Variants in PTGES2 observed in about 807,000 individuals in gnomAD.
PTGES2 encodes GATE-binding factor 1.
In PTGES2, 35 loss-of-function variants were observed where a neutral mutation model predicts 44.5. That is an observed-to-expected ratio of 0.79 (90% CI 0.60 to 1.04). The LOEUF (loss-of-function observed/expected upper bound fraction) is 1.04, where lower values mean the gene tolerates loss of function less well. PTGES2 is among the 50% of genes least tolerant of loss of function. PTGES2 has a pLI of 0.00. For synonymous variants in PTGES2, 221 were observed against 227.5 expected (o/e 0.97, Z 0.26); for missense variants, 517 against 521.4 (o/e 0.99, Z 0.08).
chr9:128,126,180 C>T (rs979801019), intron 1 of PTGES2, among the ~76,000 whole-genome samples: 1 of 152,198 alleles, frequency 6.6e-6, no homozygotes. Flanking sequence ...GAAGCTGGAC[C>T]GTGGAGGCAG....
rs751725914 is a variant in PTGES2, at chr9:128,125,360, C to T, written c.361G>A (p.Asp121Asn). ...ACCTGGTAGGGCAGGGCATGGAAGT[C>T]GAGGAAGGCTCGGACCTTGCTGCAG... Reference protein sequence around the residue: ...PFCSKVRAFLDFHALPYQVVE... With the variant: ...PFCSKVRAFLNFHALPYQVVE... The change falls in exon 2 of 7, where the codon GAC becomes AAC. Residue 121 changes from aspartate (D) to asparagine (N), a missense_variant. Coordinates refer to ENST00000338961, the MANE Select transcript of PTGES2 (RefSeq NM_025072.7). 2.5e-6 allele frequency: 4 copies of T among 1,614,098 alleles called. No individual in the cohort carries two copies. The highest frequency in any genetic ancestry group is 2.2e-5 in the East Asian group (1 of 44,886).
At position 128,123,238 on chromosome 9, in the gene PTGES2, G is replaced by T; in HGVS notation, c.687-104C>A. 1.9e-6 allele frequency: 2 copies of T among 1,038,832 alleles called. No individual in the cohort carries two copies. The highest frequency in any genetic ancestry group is 2.7e-6 in the Non-Finnish European group (2 of 738,240). 64.4% of individuals were successfully genotyped at this position (1,038,832 alleles called of 1,614,324 possible). ...CTGCACGGGCGGGAAGCTGAAGCCT[G>T]AGCAGGAAGGTCTTTTTTTTTTTTT... is the stretch of plus-strand genomic sequence containing the variant. On this transcript the variant is annotated intron_variant, in intron 4 of 6. Coordinates refer to ENST00000338961, the MANE Select transcript of PTGES2 (RefSeq NM_025072.7). This position sits in a 1 kb window ranked among gnomAD's most constrained non-coding sequence, Gnocchi z 4.4.
In PTGES2 at chr9:128,123,841, C is replaced by A; in HGVS notation, c.547G>T (p.Glu183Ter). The A allele has an allele frequency of 6.2e-7, 1 of 1,613,798 alleles. No individual in the cohort carries two copies. The part of the protein sequence containing the change: ...KTYLVSGQPL[E>*]EIITYYPAMK... ...GCTGGGTAGTAGGTGATGATCTCTT[C>A]CAGGGGCTGCCTTCGGAGAGAGCCA... Residue 183 changes from glutamate (E) to a stop codon, truncating the protein, a stop_gained, in exon 4 of 7, where the codon GAA becomes TAA. Coordinates refer to ENST00000338961, the MANE Select transcript of PTGES2 (RefSeq NM_025072.7). LOFTEE classifies it high-confidence loss of function. The surrounding 1 kb of genome is among the most constrained non-coding windows in gnomAD (Gnocchi z 4.4).
At chr9:128,128,356 G>T (rs1280606436), upstream of PTGES2, 1 of 456,270 alleles carries the variant, frequency 2.2e-6, no homozygotes, top group African/African-American at 2.0e-5. Context: ...GTGCCAGGCT[G>T]CTCGGTCCTT....
Position 128,123,638 on chromosome 9 carries a change from G to T in PTGES2, c.686+64C>A. ...CTGCTCACGCCATCTTGCTCAGCTT[G>T]GTCCTACTCTACAGAAGACCCCTGC... On this transcript the variant is annotated intron_variant, in intron 4 of 6. Transcript: ENST00000338961. This position sits in a 1 kb window ranked among gnomAD's most constrained non-coding sequence, Gnocchi z 4.4. 6.6e-7 allele frequency: 1 copy of T among 1,522,246 alleles called. No individual in the cohort carries two copies. The highest frequency in any genetic ancestry group is 9.0e-7 in the Non-Finnish European group (1 of 1,112,858). 94.3% of individuals were successfully genotyped at this position (1,522,246 alleles called of 1,614,324 possible). A position where few individuals can be genotyped will look rare whatever the true frequency, so the allele number is the denominator to read the frequency against.
In PTGES2 at chr9:128,122,374, A is replaced by T; in HGVS notation, c.993T>A (p.Asn331Lys). 1 of 1,614,054 alleles carries T rather than the reference A, an allele frequency of 6.2e-7. No homozygotes were observed. Among genetic ancestry groups the T allele is most frequent in the Non-Finnish European group, 8.5e-7 (1 of 1,179,894 alleles). ...CCACCACACTCACCAAATCAGCGAG[A>T]TTCGGCTTCTGGCCCCCCATGAAGG... ...DRPFMGGQKP[N>K]LADLAVYGVL... The change falls in exon 6 of 7, where the codon AAT becomes AAA. Residue 331 changes from asparagine to lysine, a missense_variant. Coordinates refer to ENST00000338961, the MANE Select transcript of PTGES2 (RefSeq NM_025072.7).
At position 128,122,350 on chromosome 9, in the gene PTGES2, C is replaced by T. The variant is rs772225104; in HGVS notation, c.1005+12G>A. On this transcript the variant is annotated intron_variant, in intron 6 of 6. Coordinates refer to ENST00000338961, the MANE Select transcript of PTGES2 (RefSeq NM_025072.7). ...CCTCGGTCCAGGCACCACCTGCCAC[C>T]ACCACACTCACCAAATCAGCGAGAT... 6.2e-7 allele frequency: 1 copy of T among 1,607,522 alleles called. No homozygotes were observed. Among genetic ancestry groups the T allele is most frequent in the Non-Finnish European group, 8.5e-7 (1 of 1,173,942 alleles).
chr9:128,128,164 G>C (rs191486917), upstream of PTGES2: 4,088 of 256,718 alleles, frequency 0.016, 141 homozygotes, highest in African/African-American at 0.15. Flanking sequence ...GACCCGACCC[G>C]GCACCAGGTG....
Position 128,127,592 on chromosome 9 carries a change from C to T in PTGES2, c.126G>A (p.Ala42=). 9 of 1,272,572 alleles carry T rather than the reference C, an allele frequency of 7.1e-6. No homozygotes were observed. Among genetic ancestry groups the T allele is most frequent in the Middle Eastern group, 3.0e-4 (1 of 3,352 alleles). 78.8% of individuals were successfully genotyped at this position (1,272,572 alleles called of 1,614,324 possible). A position where few individuals can be genotyped will look rare whatever the true frequency, so the allele number is the denominator to read the frequency against. The part of the protein sequence containing the change: ...TQSRAGFAGA[A]GGPSPVAAAR... The stretch of plus-strand genomic sequence containing the variant: ...CTGCAGCCACGGGGCTCGGGCCGCC[C>T]GCCGCCCCCGCGAAGCCAGCCCGGC... The change falls in exon 1 of 7, where the codon GCG becomes GCA. Residue 42 remains alanine (A), a synonymous_variant. Transcript: ENST00000338961.
rs1404471235 is a variant in PTGES2, at chr9:128,123,211, C to T, written c.687-77G>A. On this transcript the variant is annotated intron_variant, in intron 4 of 6. Coordinates refer to ENST00000338961, the MANE Select transcript of PTGES2 (RefSeq NM_025072.7). This position sits in a 1 kb window ranked among gnomAD's most constrained non-coding sequence, Gnocchi z 4.4. ...CAGGCTGCATTCTCTAGAACATACC[C>T]ACTGCACGGGCGGGAAGCTGAAGCC... 7.1e-7 allele frequency: 1 copy of T among 1,400,668 alleles called. No individual in the cohort carries two copies. Among genetic ancestry groups the T allele is most frequent in the Non-Finnish European group, 9.8e-7 (1 of 1,016,040 alleles). 86.8% of individuals were successfully genotyped at this position (1,400,668 alleles called of 1,614,324 possible). A position where few individuals can be genotyped will look rare whatever the true frequency, so the allele number is the denominator to read the frequency against.
chr9:128,128,402 C>T (rs1014149282), upstream of PTGES2: 2 of 455,022 alleles, frequency 4.4e-6, no homozygotes, highest in Non-Finnish European at 8.8e-6. Flanking sequence ...AAGCCCGGAG[C>T]CTCCACCGCA....
chr9:128,126,045 G>C (rs1216471061), intron 1 of PTGES2, among the ~76,000 whole-genome samples: 2 of 152,224 alleles, frequency 1.3e-5, no homozygotes, highest in Non-Finnish European at 2.9e-5. Context: ...AATATCCGAG[G>C]GGGAGGGTGG....
At chr9:128,127,327 C>T in intron 1 of PTGES2, 112 bp downstream of exon 1, 2 of 979,830 alleles carry the variant, frequency 2.0e-6, no homozygotes, top group Non-Finnish European at 2.6e-6. Flanking sequence ...CAGACCAAGT[C>T]ACTCGCCCAA....
At chr9:128,122,502 C>T (rs1167681109) in intron 5 of PTGES2, 23 bp from the exon 6 acceptor site, 1 of 1,599,780 alleles carries the variant, frequency 6.3e-7, no homozygotes, top group South Asian at 1.1e-5. Flanking sequence ...GGGAAAAGCC[C>T]CTCAGGGGAG....
Position 128,127,283 on chromosome 9 carries a change from T to C in PTGES2, c.279+156A>G, listed in dbSNP as rs1007102055. Among the ~76,000 whole-genome samples, 25 of 148,342 alleles carry C rather than the reference T, an allele frequency of 1.7e-4. 1 individual carries two copies. Among genetic ancestry groups the C allele is most frequent in the Admixed American group, 4.1e-4 (6 of 14,802 alleles). On this transcript the variant is annotated intron_variant, in intron 1 of 6. Transcript: ENST00000338961. ...TAGTAGGCATCAGGAGTGCCCCTAT[T>C]TTACACAAAAGAATACAGAGGGTTC...
In PTGES2 at chr9:128,122,402, C is replaced by T. The variant is rs779011818; in HGVS notation, c.965G>A (p.Arg322Gln). 7.4e-6 allele frequency: 12 copies of T among 1,614,068 alleles called. No individual in the cohort carries two copies. Among genetic ancestry groups the T allele is most frequent in the Middle Eastern group, 1.6e-4 (1 of 6,084 alleles). Reference sequence around the variant, plus strand: ...CGGCTTCTGGCCCCCCATGAAGGGCCGGTCCTTGCCCACAGCAGCCACCCA... The same window carrying T: ...CGGCTTCTGGCCCCCCATGAAGGGCTGGTCCTTGCCCACAGCAGCCACCCA... Reference protein sequence around the residue: ...DKWVAAVGKDRPFMGGQKPNL... With the variant: ...DKWVAAVGKDQPFMGGQKPNL... Residue 322 changes from arginine (R) to glutamine (Q), a missense_variant, in exon 6 of 7, where the codon CGG (arginine) becomes CAG (glutamine). By Grantham distance (43) the Arg-to-Gln change is conservative. Transcript: ENST00000338961.
chr9:128,128,425 C>T (rs906172833), upstream of PTGES2: 15 of 449,328 alleles, frequency 3.3e-5, no homozygotes, highest in Non-Finnish European at 6.7e-5. Flanking sequence ...GGCGTCTCCG[C>T]GGACAGCCCC....
Position 128,127,502 on chromosome 9 carries a change from C to A in PTGES2, c.216G>T (p.Leu72=). 7.3e-7 allele frequency: 1 copy of A among 1,378,412 alleles called. No individual in the cohort carries two copies. Among genetic ancestry groups the A allele is most frequent in the South Asian group, 1.7e-5 (1 of 58,214 alleles). 85.4% of individuals were successfully genotyped at this position (1,378,412 alleles called of 1,614,324 possible). The change falls in exon 1 of 7, where the codon CTG becomes CTT. Residue 72 remains leucine (L), a synonymous_variant. Transcript: ENST00000338961. The part of the protein sequence containing the change: ...AALALGGALG[L]YHTARWHLRA... Reference sequence around the variant, plus strand: ...GCAGGTGCCACCGCGCCGTGTGGTACAGCCCCAGGGCTCCCCCCAGGGCCA... The same window carrying A: ...GCAGGTGCCACCGCGCCGTGTGGTAAAGCCCCAGGGCTCCCCCCAGGGCCA...
upstream of PTGES2, chr9:128,128,042 C>G (rs747078879): frequency 1.0e-5 from 4 of 384,674 alleles, no homozygotes; most frequent in South Asian, 1.1e-4. Context: ...GCGTGGCCGT[C>G]TGTAACACGT....
Sources: allele counts gnomAD v4.1 joint callset (sites outside exome capture counted in the v4.1 genomes callset), GRCh38; gene constraint gnomAD v4.1.1; non-coding constraint Gnocchi (gnomAD v3.1); transcripts MANE v1.5; gene names NCBI Gene and HGNC (gene_info 2026-07-23, HGNC 2026-07-21).